The following TRPC4 variants were observed in gnomAD, a reference collection of about 807,000 sequenced individuals.
TRPC4 encodes short transient receptor potential channel 4.
TRPC4 carries 49 observed loss-of-function variants against 99.4 expected under a neutral mutation model. The ratio of observed to expected loss-of-function variants is 0.49; its 90% CI spans 0.39 to 0.63. The LOEUF (loss-of-function observed/expected upper bound fraction) is 0.63. Ranked by LOEUF, TRPC4 falls within the 20% of genes least tolerant of loss-of-function variation. The pLI is 0.00. For missense variants in TRPC4, 898 were observed against 1,152.9 expected (o/e 0.78, Z 3.20); for synonymous variants, 454 against 425.9 (o/e 1.07, Z -0.81).
At chr13:37,845,718 A>G (rs886481791) in intron 1 of TRPC4, among the ~76,000 whole-genome samples, 2 of 152,090 alleles carry the variant, frequency 1.3e-5, no homozygotes, top group African/African-American at 4.8e-5. Context: ...TTCATGAAGA[A>G]AAAGAAAGAG....
intron 6 of TRPC4, among the ~76,000 whole-genome samples, chr13:37,657,469 A>G (rs1287692937): frequency 3.9e-5 from 6 of 152,240 alleles, no homozygotes; most frequent in African/African-American, 1.4e-4. Flanking sequence ...AAAATTAATC[A>G]TAGTGTCCTT....
intron 5 of TRPC4, among the ~76,000 whole-genome samples, chr13:37,665,312 AT>A (rs1240489696): frequency 6.6e-6 from 1 of 152,214 alleles, no homozygotes; most frequent in African/African-American, 2.4e-5. Context: ...GCTCATAAAT[AT>A]TTATACTTGA....
chr13:37,749,205 C>A (rs187367736), intron 2 of TRPC4, among the ~76,000 whole-genome samples: 6 of 152,168 alleles, frequency 3.9e-5, no homozygotes, highest in African/African-American at 1.4e-4. Flanking sequence ...GAGGGCTCCC[C>A]AGCTATATGG....
Position 37,663,682 on chromosome 13 carries a change from A to G in TRPC4, c.1422T>C (p.Thr474=). 6.2e-7 allele frequency: 1 copy of G among 1,614,182 alleles called. No homozygotes were observed. The highest frequency in any genetic ancestry group is 8.5e-7 in the Non-Finnish European group (1 of 1,179,996). ...TAGCAAATAAAGCCTCTGCCACCAGAGTGGGATGCCACATGTCCCATGATT... is the reference window on the plus strand; with the variant it reads ...TAGCAAATAAAGCCTCTGCCACCAGGGTGGGATGCCACATGTCCCATGATT... ...PRESWDMWHP[T]LVAEALFAIA... Residue 474 remains threonine (T), a synonymous_variant, in exon 6 of 11, where the codon ACT becomes ACC. Transcript: ENST00000379705.
At chr13:37,701,618 A>T (rs114978193) in intron 3 of TRPC4, among the ~76,000 whole-genome samples, 1 of 152,084 alleles carries the variant, frequency 6.6e-6, no homozygotes, top group African/African-American at 2.4e-5. Context: ...CATCCCAGTA[A>T]GTAAGGACAA....
intron 1 of TRPC4, among the ~76,000 whole-genome samples, chr13:37,827,925 C>G (rs967285094): frequency 2.6e-5 from 4 of 152,326 alleles, no homozygotes; most frequent in African/African-American, 9.6e-5. Context: ...ATCAGCGAGA[C>G]TCCATGGGCG....
At chr13:37,772,889 T>G (rs1593708072) in intron 2 of TRPC4, among the ~76,000 whole-genome samples, 1 of 151,634 alleles carries the variant, frequency 6.6e-6, no homozygotes, top group Non-Finnish European at 1.5e-5. Context: ...TTGCTTGACA[T>G]TAAATCTCCT....
chr13:37,737,750 CAAG>C (rs754198514), intron 3 of TRPC4, among the ~76,000 whole-genome samples: 25 of 152,248 alleles, frequency 1.6e-4, no homozygotes, highest in Non-Finnish European at 2.8e-4. Context: ...GTTGTGATTT[CAAG>C]AAGGAGCCAC....
intron 8 of TRPC4, among the ~76,000 whole-genome samples, chr13:37,644,258 A>T (rs1048529537): frequency 1.3e-5 from 2 of 152,216 alleles, no homozygotes; most frequent in Non-Finnish European, 2.9e-5. Flanking sequence ...AAGAGAAGAT[A>T]TCTTTTTCTT....
rs371956767 is a variant in TRPC4, at chr13:37,687,396, ATTTG to A, written c.1234+4599_1234+4602del. Among the ~76,000 whole-genome samples the A allele has an allele frequency of 6.6e-3, 1,001 of 152,310 alleles. 6 individuals are homozygous for A. Among genetic ancestry groups the A allele is most frequent in the African/African-American group, 0.023 (963 of 41,572 alleles). ...GTGCAAAGGGATAATTTATAGCAAA[ATTTG>A]TTTGTTACAATCGGAGTTAGAATGA... On this transcript the variant is annotated intron_variant, in intron 4 of 10. Coordinates refer to ENST00000379705, the MANE Select transcript of TRPC4 (RefSeq NM_016179.4).
intron 3 of TRPC4, among the ~76,000 whole-genome samples, chr13:37,744,010 C>A (rs1419161031): frequency 1.3e-5 from 2 of 152,148 alleles, no homozygotes; most frequent in Admixed American, 6.6e-5. Context: ...GTGAGCAGAG[C>A]AGGCTGCTTC....
At chr13:37,691,416 T>C (rs1953706397) in intron 4 of TRPC4, among the ~76,000 whole-genome samples, 1 of 152,180 alleles carries the variant, frequency 6.6e-6, no homozygotes, top group Non-Finnish European at 1.5e-5. Context: ...AAAACAAGAT[T>C]TTCACTAGCT....
At chr13:37,768,332 T>C (rs1170816263) in intron 2 of TRPC4, among the ~76,000 whole-genome samples, 1 of 151,450 alleles carries the variant, frequency 6.6e-6, no homozygotes, top group East Asian at 2.0e-4. Context: ...GAATTGACAG[T>C]GTGAAGGGAA....
intron 1 of TRPC4, among the ~76,000 whole-genome samples, chr13:37,839,133 G>T (rs1229158866): frequency 6.6e-6 from 1 of 152,118 alleles, no homozygotes; most frequent in Non-Finnish European, 1.5e-5. Context: ...TTTTATTACT[G>T]CTAGGGCAGT....
chr13:37,644,924 C>CTT (rs373307166), intron 8 of TRPC4, among the ~76,000 whole-genome samples: 1 of 140,662 alleles, frequency 7.1e-6, no homozygotes, highest in Non-Finnish European at 1.6e-5. Flanking sequence ...CATTTTGCAG[C>CTT]TTTTTTTTTT....
At position 37,854,432 on chromosome 13, in the gene TRPC4, G is replaced by A. The variant is rs1285486599; in HGVS notation, c.-28+15163C>T. On this transcript the variant is annotated intron_variant, in intron 1 of 10. Transcript: ENST00000379705. ...TGTTCTACAAGAAATGTTAAAGAAA[G>A]TTCTTCAATCTAAAAGAAAATGGTG... is the stretch of plus-strand genomic sequence containing the variant. 8.6e-5 allele frequency among the ~76,000 whole-genome samples: 13 copies of A among 152,008 alleles called. 1 individual carries two copies. Among genetic ancestry groups the A allele is most frequent in the Non-Finnish European group, 2.9e-5 (2 of 67,962 alleles).
At chr13:37,834,079 A>T (rs991576514) in intron 1 of TRPC4, among the ~76,000 whole-genome samples, 15 of 152,174 alleles carry the variant, frequency 9.9e-5, no homozygotes, top group African/African-American at 3.6e-4. Flanking sequence ...TCATCAGGTG[A>T]CATATTCAGA....
intron 3 of TRPC4, among the ~76,000 whole-genome samples, chr13:37,712,629 C>T (rs895409293): frequency 6.6e-6 from 1 of 152,086 alleles, no homozygotes; most frequent in Admixed American, 6.6e-5. Flanking sequence ...CTAATATTAT[C>T]CTCAAGAGCA....
chr13:37,843,152 C>A (rs1487631437), intron 1 of TRPC4, among the ~76,000 whole-genome samples: 1 of 152,082 alleles, frequency 6.6e-6, no homozygotes, highest in African/African-American at 2.4e-5. Context: ...ATTGTGTGAC[C>A]TTAGAAAGTT....
Sources: allele counts gnomAD v4.1 joint callset (sites outside exome capture counted in the v4.1 genomes callset), GRCh38; gene constraint gnomAD v4.1.1; transcripts MANE v1.5; gene names NCBI Gene and HGNC (gene_info 2026-07-23, HGNC 2026-07-21).